The following ASTN2 variants were observed in gnomAD, a reference collection of about 807,000 sequenced individuals.
The protein encoded by ASTN2 is astrotactin-2.
ASTN2 carries 54 observed loss-of-function variants against 139.8 expected under a neutral mutation model. The ratio of observed to expected loss-of-function variants is 0.39; its 90% CI spans 0.31 to 0.48. The LOEUF (loss-of-function observed/expected upper bound fraction) is 0.48, where lower values mean the gene tolerates loss of function less well. Ranked by LOEUF, ASTN2 falls within the 20% of genes least tolerant of loss-of-function variation. The pLI is 0.95. For synonymous variants in ASTN2, 756 were observed against 719.5 expected (o/e 1.05, Z -0.81); for missense variants, 1,565 against 1,725.1 (o/e 0.91, Z 1.64).
intron 11 of ASTN2, among the ~76,000 whole-genome samples, chr9:116,823,462 A>G (rs1831542365): frequency 6.6e-6 from 1 of 152,180 alleles, no homozygotes; most frequent in Non-Finnish European, 1.5e-5. Context: ...ACTGACATCT[A>G]GTTTTAGGAA....
intron 10 of ASTN2, among the ~76,000 whole-genome samples, chr9:116,898,513 T>C (rs529974224): frequency 1.8e-4 from 28 of 152,274 alleles, no homozygotes; most frequent in African/African-American, 6.0e-4. Flanking sequence ...AGTTCCAAGA[T>C]TGACAAAACA....
intron 5 of ASTN2, among the ~76,000 whole-genome samples, chr9:117,046,561 CCTTT>C (rs767246499): frequency 9.2e-5 from 14 of 152,118 alleles, no homozygotes; most frequent in Non-Finnish European, 1.6e-4. Context: ...TTTAAACCTC[CCTTT>C]CTAATACTTG....
At chr9:116,641,266 T>A (rs1461473989) in intron 17 of ASTN2, among the ~76,000 whole-genome samples, 1 of 152,192 alleles carries the variant, frequency 6.6e-6, no homozygotes, top group Non-Finnish European at 1.5e-5. Flanking sequence ...TGCAATGACA[T>A]TGTCTTTAGC....
intron 10 of ASTN2, among the ~76,000 whole-genome samples, chr9:116,933,946 C>A (rs1166933170): frequency 7.3e-6 from 1 of 136,228 alleles, no homozygotes. Flanking sequence ...TATGGTGGGG[C>A]CCTGGAGACC....
intron 16 of ASTN2, chr9:116,697,615 T>C (rs1043898648): frequency 1.7e-6 from 2 of 1,207,424 alleles, no homozygotes; most frequent in South Asian, 1.3e-5. Context: ...AGTGAATTTA[T>C]TTATATAGTC....
In ASTN2 at chr9:117,377,863, C is replaced by T. The variant is rs536226699; in HGVS notation, c.442+36634G>A. On this transcript the variant is annotated intron_variant, in intron 1 of 22. Coordinates refer to ENST00000313400, the MANE Select transcript of ASTN2 (RefSeq NM_001365068.1). ...ACACATACAAGTGTCAAAATAATAG[C>T]GCAATGATTCTGTATTGGAGGAAAT... Among the ~76,000 whole-genome samples, 46 of 152,048 alleles carry T rather than the reference C, an allele frequency of 3.0e-4. No individual in the cohort carries two copies. In the East Asian group the frequency reaches 4.8e-3, roughly 16 times the overall value.
intron 13 of ASTN2, among the ~76,000 whole-genome samples, chr9:116,746,457 C>G (rs1829237380): frequency 6.6e-6 from 1 of 152,072 alleles, no homozygotes; most frequent in South Asian, 2.1e-4. Flanking sequence ...CTTTAAAGAT[C>G]CTTTTGGTTT....
chr9:117,223,708 C>T (rs1173186828), intron 2 of ASTN2, among the ~76,000 whole-genome samples: 1 of 152,116 alleles, frequency 6.6e-6, no homozygotes, highest in Non-Finnish European at 1.5e-5. Flanking sequence ...TAAGAATTTG[C>T]ATGTATACAT....
At chr9:116,552,728 G>A (rs1279361918) in intron 19 of ASTN2, among the ~76,000 whole-genome samples, 1 of 152,160 alleles carries the variant, frequency 6.6e-6, no homozygotes. Context: ...CCCAACTCAG[G>A]AGTCAAAGCA....
intron 7 of ASTN2, among the ~76,000 whole-genome samples, chr9:116,994,917 T>C (rs1416600601): frequency 6.6e-6 from 1 of 152,210 alleles, no homozygotes; most frequent in African/African-American, 2.4e-5. Context: ...CAGTGCATAA[T>C]ACACTTTATC....
chr9:116,893,076 C>T (rs1833802229), intron 10 of ASTN2, among the ~76,000 whole-genome samples: 1 of 151,758 alleles, frequency 6.6e-6, no homozygotes, highest in Non-Finnish European at 1.5e-5. Context: ...CTGATTCTTC[C>T]CATTAGAATG....
At chr9:116,704,042 C>T (rs1827924298) in intron 16 of ASTN2, among the ~76,000 whole-genome samples, 1 of 152,166 alleles carries the variant, frequency 6.6e-6, no homozygotes, top group Non-Finnish European at 1.5e-5. Flanking sequence ...AGTGAGCCAG[C>T]TCTGGGTCTG....
At chr9:117,357,368 G>A (rs1398218838) in intron 1 of ASTN2, among the ~76,000 whole-genome samples, 1 of 152,052 alleles carries the variant, frequency 6.6e-6, no homozygotes, top group Non-Finnish European at 1.5e-5. Context: ...AAGTCACACA[G>A]TGAACCTGCA....
At chr9:117,343,527 T>A (rs1471150163) in intron 1 of ASTN2, among the ~76,000 whole-genome samples, 1 of 152,198 alleles carries the variant, frequency 6.6e-6, no homozygotes, top group African/African-American at 2.4e-5. Context: ...TCAGGCATTG[T>A]GATAACTAAC....
intron 19 of ASTN2, among the ~76,000 whole-genome samples, chr9:116,549,957 T>A (rs1162264346): frequency 1.3e-5 from 2 of 152,252 alleles, no homozygotes; most frequent in African/African-American, 4.8e-5. Flanking sequence ...CCTTTGCTTA[T>A]GATGTGCTCA....
At chr9:116,545,977 C>CA (rs1852074916) in intron 19 of ASTN2, 1 of 152,188 alleles carries the variant, frequency 6.6e-6, no homozygotes, top group South Asian at 2.1e-4. Flanking sequence ...AGTGGGATAT[C>CA]AGACTCAAGG....
At chr9:117,351,436 T>C (rs1327409767) in intron 1 of ASTN2, among the ~76,000 whole-genome samples, 4 of 152,242 alleles carry the variant, frequency 2.6e-5, no homozygotes, top group African/African-American at 9.6e-5. Flanking sequence ...AATCTCATGC[T>C]TATGCTAAGC....
At chr9:117,153,546 A>G (rs1830369874) in intron 3 of ASTN2, among the ~76,000 whole-genome samples, 1 of 152,136 alleles carries the variant, frequency 6.6e-6, no homozygotes, top group Non-Finnish European at 1.5e-5. Context: ...AGGCAAACAG[A>G]GCTTAATTAA....
At chr9:116,732,887 T>A (rs922753633) in intron 14 of ASTN2, among the ~76,000 whole-genome samples, 1 of 152,166 alleles carries the variant, frequency 6.6e-6, no homozygotes, top group African/African-American at 2.4e-5. Flanking sequence ...TATAGCTTCC[T>A]AATCTATCAA....
Sources: allele counts gnomAD v4.1 joint callset (sites outside exome capture counted in the v4.1 genomes callset), GRCh38; gene constraint gnomAD v4.1.1; transcripts MANE v1.5; gene names NCBI Gene and HGNC (gene_info 2026-07-23, HGNC 2026-07-21).